The following SYTL5 variants were observed in gnomAD, a reference collection of about 807,000 sequenced individuals.
SYTL5 encodes the protein synaptotagmin like 5, also known as synaptotagmin-like protein 5.
Under a neutral mutation model 55.9 loss-of-function variants are expected in SYTL5, and 34 were observed. The ratio of observed to expected loss-of-function variants is 0.61; its 90% CI spans 0.46 to 0.81. The LOEUF is 0.81. SYTL5 is among the 30% of genes least tolerant of loss of function. SYTL5 has a pLI of 0.00. For synonymous variants in SYTL5, 221 were observed against 188.7 expected, an observed-to-expected ratio of 1.17 and a Z score of -1.40; for missense variants, 637 against 546.7, an observed-to-expected ratio of 1.17 and a Z score of -1.65.
the SYTL5 span, among the ~76,000 whole-genome samples, chrX:37,938,847 A>C: frequency 8.9e-6 from 1 of 112,303 alleles, no homozygotes; most frequent in Non-Finnish European, 1.9e-5. Flanking sequence ...CCTTCTGGCA[A>C]TTGTTCTTTC....
At chrX:38,112,174 A>G (rs995951854) in intron 13 of SYTL5, among the ~76,000 whole-genome samples, 1 of 111,541 alleles carries the variant, frequency 9.0e-6, no homozygotes, top group Non-Finnish European at 1.9e-5. Context: ...ATTTGCCACA[A>G]CAGCCTCCAC....
In SYTL5 at chrX:38,033,955, G is replaced by C. The variant is rs781460033; in HGVS notation, c.66G>C (p.Leu22=). Reference sequence around the variant, plus strand: ...TAGATCATGAGAAGGAAATGATCCTGGGCGTCCTAAAGAGAGATGAATATT... The same window carrying C: ...TAGATCATGAGAAGGAAATGATCCTCGGCGTCCTAAAGAGAGATGAATATT... ...FLLDHEKEMI[L]GVLKRDEYLK... is the part of the protein sequence containing the mutation. The change falls in exon 2 of 17, where the codon CTG becomes CTC. Residue 22 remains leucine (L), a synonymous_variant. Transcript: ENST00000297875. 2 of 1,197,838 alleles carry C rather than the reference G, an allele frequency of 1.7e-6. No individual in the cohort carries two copies. The highest frequency in any genetic ancestry group is 2.3e-6 in the Non-Finnish European group (2 of 886,650).
the SYTL5 span, among the ~76,000 whole-genome samples, chrX:37,921,167 G>C: frequency 9.0e-6 from 1 of 111,415 alleles, no homozygotes; most frequent in Non-Finnish European, 1.9e-5. Flanking sequence ...ATTCCAATTT[G>C]GAGATATGGA....
the SYTL5 span, among the ~76,000 whole-genome samples, chrX:37,909,159 C>T: frequency 9.1e-6 from 1 of 109,793 alleles, no homozygotes; most frequent in African/African-American, 3.4e-5. Context: ...CACACACACA[C>T]TAAAACTTAA....
chrX:38,069,729 T>C (rs1247908468), intron 3 of SYTL5, among the ~76,000 whole-genome samples: 1 of 112,277 alleles, frequency 8.9e-6, no homozygotes, highest in East Asian at 2.8e-4. Flanking sequence ...ATTAGTAACC[T>C]AATTCCATCT....
the SYTL5 span, among the ~76,000 whole-genome samples, chrX:37,909,391 G>T: frequency 2.7e-5 from 3 of 112,035 alleles, no homozygotes; most frequent in African/African-American, 9.7e-5. Flanking sequence ...CCAACCTGTG[G>T]CTTGCAGGCC....
the SYTL5 span, among the ~76,000 whole-genome samples, chrX:37,975,021 A>C: frequency 8.9e-6 from 1 of 112,188 alleles, no homozygotes; most frequent in South Asian, 3.7e-4. Context: ...TTGCGTGAAC[A>C]TAGTTTATTT....
intron 7 of SYTL5, among the ~76,000 whole-genome samples, chrX:38,089,937 C>A (rs184655358): frequency 9.0e-6 from 1 of 111,599 alleles, no homozygotes; most frequent in African/African-American, 3.3e-5. Context: ...ATATCAGACA[C>A]CCAGTCTCTG....
chrX:38,064,405 T>C (rs895506923), intron 3 of SYTL5, among the ~76,000 whole-genome samples: 5 of 111,756 alleles, frequency 4.5e-5, no homozygotes, highest in African/African-American at 1.3e-4. Flanking sequence ...TATCTCCCTA[T>C]AGTTTCAATT....
the SYTL5 span, chrX:37,949,400 A>G: frequency 1.2e-4 from 13 of 111,921 alleles, no homozygotes; most frequent in African/African-American, 4.2e-4. Flanking sequence ...CCAACCTGAC[A>G]TTGAGGTACC....
At chrX:38,043,688 TATAC>T (rs1211737947) in intron 2 of SYTL5, among the ~76,000 whole-genome samples, 985 of 64,799 alleles carry the variant, frequency 0.015, 21 homozygotes, top group African/African-American at 0.077. Flanking sequence ...TATATATATA[TATAC>T]ATATATATAT....
intron 12 of SYTL5, among the ~76,000 whole-genome samples, chrX:38,109,761 ATGT>A (rs774970022): frequency 2.8e-4 from 31 of 109,423 alleles, no homozygotes; most frequent in Admixed American, 2.7e-3. Context: ...GCCCTGGATG[ATGT>A]TGTTACAAAA....
chrX:37,967,520 T>C, the SYTL5 span, among the ~76,000 whole-genome samples: 1 of 112,010 alleles, frequency 8.9e-6, no homozygotes, highest in Non-Finnish European at 1.9e-5. Flanking sequence ...TTGATTATAA[T>C]ATATCTTAGT....
chrX:37,975,127 C>T, the SYTL5 span, among the ~76,000 whole-genome samples: 1 of 112,159 alleles, frequency 8.9e-6, no homozygotes, highest in African/African-American at 3.2e-5. Context: ...AGCAGGTTTC[C>T]GCTTTGGCCA....
chrX:38,069,547 A>C (rs1220096078), intron 3 of SYTL5, among the ~76,000 whole-genome samples: 1 of 112,042 alleles, frequency 8.9e-6, no homozygotes, highest in Non-Finnish European at 1.9e-5. Flanking sequence ...GTGGACCTCT[A>C]CACCTCAGAG....
chrX:38,097,520 G>A (rs948531541), intron 9 of SYTL5, among the ~76,000 whole-genome samples: 1 of 110,448 alleles, frequency 9.1e-6, no homozygotes, highest in Non-Finnish European at 1.9e-5. Context: ...TGTAATACAT[G>A]TGCATTGAAA....
the SYTL5 span, chrX:37,991,175 A>C: frequency 3.3e-6 from 4 of 1,209,458 alleles, no homozygotes; most frequent in Non-Finnish European, 4.5e-6. Context: ...AGATGCCCAA[A>C]TCCAGGAAGA....
At chrX:37,919,942 T>C in the SYTL5 span, among the ~76,000 whole-genome samples, 2 of 111,870 alleles carry the variant, frequency 1.8e-5, no homozygotes, top group Admixed American at 1.9e-4. Context: ...TCTGTATAGA[T>C]AATATCTGAA....
intron 2 of SYTL5, among the ~76,000 whole-genome samples, chrX:38,042,681 T>G (rs951022895): frequency 9.0e-6 from 1 of 111,439 alleles, no homozygotes; most frequent in African/African-American, 3.3e-5. Flanking sequence ...CCATTCCCTT[T>G]CAATGCAAAT....
Sources: allele counts gnomAD v4.1 joint callset (sites outside exome capture counted in the v4.1 genomes callset), GRCh38; gene constraint gnomAD v4.1.1; transcripts MANE v1.5; gene names NCBI Gene and HGNC (gene_info 2026-07-23, HGNC 2026-07-21).